The following ASPG variants were observed in gnomAD, a reference collection of about 807,000 sequenced individuals.
ASPG encodes the protein 60 kDa lysophospholipase.
Under a neutral mutation model 63.2 loss-of-function variants are expected in ASPG, and 53 were observed. The ratio of observed to expected loss-of-function variants is 0.84; its 90% CI spans 0.67 to 1.05. The LOEUF is 1.05. Ranked by LOEUF, ASPG falls within the 50% of genes least tolerant of loss-of-function variation. The pLI is 0.00. For synonymous variants in ASPG, 370 were observed against 355.0 expected (o/e 1.04, Z -0.48); for missense variants, 741 against 794.4 (o/e 0.93, Z 0.81).
chr14:104,112,957 A>T lies in ASPG; in HGVS notation c.*413A>T. The T allele has an allele frequency of 3.4e-6, 1 of 290,762 alleles. No homozygotes were observed. Among genetic ancestry groups the T allele is most frequent in the South Asian group, 3.6e-5 (1 of 27,852 alleles). The allele number at this position is 290,762 out of a possible 1,614,324, so 18.0% of individuals were successfully genotyped here. The stretch of plus-strand genomic sequence containing the variant: ...TTGCCCAGGCTGGTCCCTCCTCCAG[A>T]CACCCTCTGCCCATCTCCTTACCTC... On this transcript the variant is annotated 3_prime_UTR_variant, in exon 16 of 16. Coordinates refer to ENST00000551177, the MANE Select transcript of ASPG (RefSeq NM_001080464.3).
chr14:104,093,161 G>T, intron 2 of ASPG: 1 of 506,050 alleles, frequency 2.0e-6, no homozygotes, highest in Middle Eastern at 4.3e-4. Flanking sequence ...CGTGGTGGCT[G>T]ACCACCACAG....
chr14:104,089,900 A>G (rs117426035), intron 1 of ASPG, among the ~76,000 whole-genome samples: 2,473 of 129,456 alleles, frequency 0.019, 23 homozygotes, highest in Non-Finnish European at 0.024. Context: ...GTGAGTCGAG[A>G]TGGCATCACT....
intron 13 of ASPG, 91 bp from the exon 14 acceptor site, chr14:104,111,411 G>C (rs889684738): frequency 8.2e-7 from 1 of 1,220,168 alleles, no homozygotes; most frequent in East Asian, 2.6e-5. Flanking sequence ...GGCTTTGTAA[G>C]AGCGTCCAGG....
intron 7 of ASPG, 29 bp downstream of exon 7, chr14:104,103,704 T>A: frequency 2.6e-6 from 4 of 1,533,418 alleles, no homozygotes; most frequent in Non-Finnish European, 3.5e-6. Flanking sequence ...ATCCTGCCCC[T>A]GCAGCCCTGA....
In ASPG at chr14:104,113,825, G is replaced by GGGAAA. The variant is rs2037431653; in HGVS notation, c.*1281_*1282insGGAAA. 1 of 152,358 alleles carries GGGAAA rather than the reference G, an allele frequency of 6.6e-6. No homozygotes were observed. Among genetic ancestry groups the GGGAAA allele is most frequent in the South Asian group, 2.1e-4 (1 of 4,836 alleles). 9.4% of individuals were successfully genotyped at this position (152,358 alleles called of 1,614,324 possible). On this transcript the variant is annotated 3_prime_UTR_variant, in exon 16 of 16. Coordinates refer to ENST00000551177, the MANE Select transcript of ASPG (RefSeq NM_001080464.3). ...ATGCGAGCGTGGCAGGGCCGGGGAA[G>GGGAAA]CCTTTGCTCCTCACCCTGGTGAGGC... is the stretch of plus-strand genomic sequence containing the variant.
intron 12 of ASPG, among the ~76,000 whole-genome samples, chr14:104,108,008 GTTC>G (rs2141049626): frequency 6.6e-6 from 1 of 152,286 alleles, no homozygotes; most frequent in African/African-American, 2.4e-5. Flanking sequence ...AGGACCCTGG[GTTC>G]TTTTCGGGGA....
chr14:104,108,240 G>A (rs2037226832), intron 12 of ASPG, among the ~76,000 whole-genome samples: 1 of 151,950 alleles, frequency 6.6e-6, no homozygotes, highest in African/African-American at 2.4e-5. Context: ...GGAGAGAACA[G>A]GGTGGTGGAC....
At chr14:104,107,132 G>A in intron 11 of ASPG, 50 bp from the exon 12 acceptor site, 2 of 1,522,946 alleles carry the variant, frequency 1.3e-6, no homozygotes, top group Non-Finnish European at 1.8e-6. Flanking sequence ...TGGCCTACCT[G>A]GCCCCGCCTG....
rs1186612012 is a variant in ASPG at position 104,109,527 on chromosome 14, T to C, written c.1520+212T>C. On this transcript the variant is annotated intron_variant, in intron 13 of 15. Coordinates refer to ENST00000551177, the MANE Select transcript of ASPG (RefSeq NM_001080464.3). This position sits in a 1 kb window ranked among gnomAD's most constrained non-coding sequence, Gnocchi z 4.8. Reference sequence around the variant, plus strand: ...GGCAGGGGAAGGAGTTGTTCTCAGCTGAGCGAACAGTCCAGCAAGGGTGTC... The same window carrying C: ...GGCAGGGGAAGGAGTTGTTCTCAGCCGAGCGAACAGTCCAGCAAGGGTGTC... Among the ~76,000 whole-genome samples, 1 of 151,972 alleles carries C rather than the reference T, an allele frequency of 6.6e-6. No homozygotes were observed. The highest frequency in any genetic ancestry group is 2.4e-5 in the African/African-American group (1 of 41,360).
At chr14:104,095,453 C>A in intron 3 of ASPG, 78 bp from the exon 4 acceptor site, 1 of 1,593,160 alleles carries the variant, frequency 6.3e-7, no homozygotes, top group Non-Finnish European at 8.5e-7. Flanking sequence ...TGCATCCGGA[C>A]CCTTTCCCCC....
chr14:104,105,207 A>G, intron 9 of ASPG, 121 bp from the exon 10 acceptor site: 2 of 1,486,644 alleles, frequency 1.3e-6, no homozygotes, highest in Non-Finnish European at 1.9e-6. Context: ...TGAAGCACAC[A>G]CGGCCGAGGC....
intron 6 of ASPG, among the ~76,000 whole-genome samples, chr14:104,101,104 G>A (rs1036570866): frequency 7.2e-5 from 11 of 152,236 alleles, no homozygotes; most frequent in African/African-American, 2.7e-4. Flanking sequence ...AGGCTGGTCT[G>A]GGTGGGAGGC....
In ASPG at chr14:104,091,074, C is replaced by T. The variant is rs950723969; in HGVS notation, c.83-1559C>T. On this transcript the variant is annotated intron_variant, in intron 1 of 15. Coordinates refer to ENST00000551177, the MANE Select transcript of ASPG (RefSeq NM_001080464.3). This position sits in a 1 kb window ranked among gnomAD's most constrained non-coding sequence, Gnocchi z 6.4. ...AAAGACAGGGTTTCACCATGTTGAC[C>T]AGGCTGGTCTTGAATTCCAGACCTC... Among the ~76,000 whole-genome samples, 3 of 151,964 alleles carry T rather than the reference C, an allele frequency of 2.0e-5. No homozygotes were observed. The highest frequency in any genetic ancestry group is 4.4e-5 in the Non-Finnish European group (3 of 67,998).
At chr14:104,108,744 C>T (rs1596109888) in intron 12 of ASPG, 3 of 985,410 alleles carry the variant, frequency 3.0e-6, no homozygotes, top group Non-Finnish European at 3.6e-6. Flanking sequence ...TACCCAAGGG[C>T]AGTCGGCCGG....
At chr14:104,106,661 G>C (rs2037142744) in intron 10 of ASPG, 138 bp from the exon 11 acceptor site, 1 of 763,300 alleles carries the variant, frequency 1.3e-6, no homozygotes, top group Non-Finnish European at 2.1e-6. Flanking sequence ...TGGCAGCTCA[G>C]GTTCCTTCTC....
chr14:104,103,031 C>T (rs542357997), intron 6 of ASPG, among the ~76,000 whole-genome samples: 25 of 152,356 alleles, frequency 1.6e-4, no homozygotes, highest in African/African-American at 5.1e-4. Context: ...ACCACTGACC[C>T]GGTGGGCAGT....
chr14:104,097,854 A>AGG, intron 5 of ASPG, among the ~76,000 whole-genome samples: 1 of 48,810 alleles, frequency 2.0e-5, no homozygotes, highest in African/African-American at 6.0e-5. Flanking sequence ...TTAGAGATGC[A>AGG]TATGGAGGTT....
chr14:104,087,105 C>A (rs1368033983), intron 1 of ASPG, among the ~76,000 whole-genome samples: 1 of 152,202 alleles, frequency 6.6e-6, no homozygotes. Context: ...CCGGTGCAGA[C>A]CCCTCTGGAG....
rs150274927 is a variant in ASPG, at chr14:104,085,968, G to C, written c.82+116G>C. 1,561 of 984,374 alleles carry C rather than the reference G, an allele frequency of 1.6e-3. 5 individuals carry two copies. The highest frequency in any genetic ancestry group is 2.1e-3 in the Non-Finnish European group (1,445 of 699,576). 61.0% of individuals were successfully genotyped at this position (984,374 alleles called of 1,614,324 possible). Reference sequence around the variant, plus strand: ...AGTCAAATCCGCGCCTGGATGGGGGGTGCGGGCTGAGGTCGCTCTCCTCCG... The same window carrying C: ...AGTCAAATCCGCGCCTGGATGGGGGCTGCGGGCTGAGGTCGCTCTCCTCCG... On this transcript the variant is annotated intron_variant, in intron 1 of 15. Transcript: ENST00000551177.
Sources: allele counts gnomAD v4.1 joint callset (sites outside exome capture counted in the v4.1 genomes callset), GRCh38; gene constraint gnomAD v4.1.1; non-coding constraint Gnocchi (gnomAD v3.1); transcripts MANE v1.5; gene names NCBI Gene and HGNC (gene_info 2026-07-23, HGNC 2026-07-21).